Variants in VIT observed in about 807,000 individuals in gnomAD.
The protein encoded by VIT is vitrin.
Under a neutral mutation model 78.0 loss-of-function variants are expected in VIT, and 99 were observed. The ratio of observed to expected loss-of-function variants is 1.27; its 90% CI spans 1.08 to 1.50. The LOEUF (loss-of-function observed/expected upper bound fraction) is 1.50. VIT is among the 40% of genes most tolerant of loss of function. The pLI is 0.00. For missense variants in VIT, 1,126 were observed against 875.3 expected (o/e 1.29, Z -3.61); for synonymous variants, 374 against 334.3 (o/e 1.12, Z -1.29).
At chr2:36,779,774 T>C (rs960810971) in intron 9 of VIT, among the ~76,000 whole-genome samples, 4 of 152,226 alleles carry the variant, frequency 2.6e-5, no homozygotes, top group East Asian at 3.8e-4. Context: ...CAAGCAAGAA[T>C]TGTCACAAAA....
rs1179542743 is a variant in VIT at position 36,805,431 on chromosome 2, C to T, written c.1163-7C>T. 10 of 1,587,944 alleles carry T rather than the reference C, an allele frequency of 6.3e-6. No individual in the cohort carries two copies. The highest frequency in any genetic ancestry group is 1.4e-5 in the African/African-American group (1 of 73,512). On this transcript the variant is annotated splice_polypyrimidine_tract_variant and splice_region_variant and intron_variant, in intron 13 of 15. Transcript: ENST00000379242. ...CACTCCAAGCATGAATTTTCTTTTT[C>T]TTCCAGGTCGGGCCATCTCCTTTGT...
rs747673659 is a variant in VIT, at chr2:36,808,459, C to A, written c.1390-13C>A. ...CCCTGACGTGGCGTGGGTCCCTCCC[C>A]TCTGTCTTCTAGGCCGTGTGCAGAA... On this transcript the variant is annotated splice_polypyrimidine_tract_variant and intron_variant, in intron 14 of 15. Transcript: ENST00000379242. 32 of 1,589,794 alleles carry A rather than the reference C, an allele frequency of 2.0e-5. 1 individual carries two copies. The South Asian group carries it at 3.5e-4, about 17-fold the overall frequency.
At chr2:36,773,685 C>T in intron 7 of VIT, 106 bp from the exon 8 acceptor site, 8 of 1,006,758 alleles carry the variant, frequency 7.9e-6, no homozygotes, top group Non-Finnish European at 9.3e-6. Flanking sequence ...GATCGCACCA[C>T]TGCACTCCAG....
rs567911067 is a variant in VIT, at chr2:36,805,308, GAAAAAAAA to G, written c.1163-118_1163-111del. ...AACAGAGCAAGACCCTGTCTCAAAGGAAAAAAAAAAAAAAAAAAACTAGGGAGGGAATG... is the reference window on the plus strand; with the variant it reads ...AACAGAGCAAGACCCTGTCTCAAAGGAAAAAAAAAAACTAGGGAGGGAATG... On this transcript the variant is annotated intron_variant, in intron 13 of 15. Transcript: ENST00000379242. 7 of 585,724 alleles carry G rather than the reference GAAAAAAAA, an allele frequency of 1.2e-5. No individual in the cohort carries two copies. The Admixed American group carries it at 2.0e-4, about 16-fold the overall frequency. The allele number at this position is 585,724 out of a possible 1,614,324, so 36.3% of individuals were successfully genotyped here.
chr2:36,788,927 G>A (rs1301233566), intron 12 of VIT, among the ~76,000 whole-genome samples: 2 of 152,160 alleles, frequency 1.3e-5, no homozygotes, highest in Non-Finnish European at 2.9e-5. Flanking sequence ...TGCAGGGAAG[G>A]AAGAAGAATA....
chr2:36,741,331 T>C (rs946732532), intron 3 of VIT, among the ~76,000 whole-genome samples: 4 of 152,186 alleles, frequency 2.6e-5, no homozygotes. Context: ...AGGCAACCTT[T>C]GATGGGGAGA....
chr2:36,766,085 G>C (rs1572501306), intron 6 of VIT, among the ~76,000 whole-genome samples: 1 of 152,242 alleles, frequency 6.6e-6, no homozygotes, highest in African/African-American at 2.4e-5. Context: ...TGCCCAGTGG[G>C]TAGCCACTTG....
intron 2 of VIT, among the ~76,000 whole-genome samples, chr2:36,726,909 G>A (rs1295340857): frequency 1.3e-5 from 2 of 151,412 alleles, no homozygotes; most frequent in African/African-American, 4.9e-5. Flanking sequence ...GGAGAAGAAG[G>A]AGACTCATCA....
chr2:36,760,120 G>C (rs1031137731), intron 6 of VIT, among the ~76,000 whole-genome samples: 4 of 151,434 alleles, frequency 2.6e-5, no homozygotes, highest in Non-Finnish European at 5.9e-5. Flanking sequence ...TCAGCCTCCC[G>C]AGTAGCTGTG....
At position 36,814,337 on chromosome 2, in the gene VIT, G is replaced by C; in HGVS notation, c.2058G>C (p.Glu686Asp). 6.2e-7 allele frequency: 1 copy of C among 1,614,180 alleles called. No homozygotes were observed. The highest frequency in any genetic ancestry group is 8.5e-7 in the Non-Finnish European group (1 of 1,180,030). Reference protein sequence around the residue: ...VPRIIQNICTEFNSQPRN With the variant: ...VPRIIQNICTDFNSQPRN ...GGATCATCCAGAACATTTGTACAGA[G>C]TTCAACTCACAGCCTCGGAACTGAA... is the stretch of plus-strand genomic sequence containing the variant. Residue 686 changes from glutamate (E) to aspartate (D), a missense_variant, in exon 16 of 16, where the codon GAG (glutamate) becomes GAC (aspartate). Coordinates refer to ENST00000379242, the MANE Select transcript of VIT (RefSeq NM_053276.4).
intron 4 of VIT, among the ~76,000 whole-genome samples, chr2:36,751,476 G>T (rs1486622842): frequency 6.6e-6 from 1 of 152,174 alleles, no homozygotes; most frequent in Non-Finnish European, 1.5e-5. Context: ...CGGAGCCCAG[G>T]TGATATATTG....
intron 14 of VIT, 92 bp from the exon 15 acceptor site, chr2:36,808,380 G>A (rs1405464396): frequency 6.8e-7 from 1 of 1,466,116 alleles, no homozygotes; most frequent in African/African-American, 1.4e-5. Context: ...GGGCCTGCTT[G>A]CTTCTTCACC....
chr2:36,743,391 T>A, intron 4 of VIT, 135 bp downstream of exon 4: 1 of 1,022,614 alleles, frequency 9.8e-7, no homozygotes. Context: ...TTAATCTTCA[T>A]TTAAAAAGTG....
rs181168784 is a variant in VIT at position 36,803,607 on chromosome 2, T to C, written c.1163-1831T>C. On this transcript the variant is annotated intron_variant, in intron 13 of 15. Transcript: ENST00000379242. ...AGCAATTCTTAGCAGCCAAGGTTTT[T>C]CCTTAGCAAGTGGGTTCTGTGCAGC... Among the ~76,000 whole-genome samples the C allele has an allele frequency of 1.2e-4, 19 of 152,342 alleles. No homozygotes were observed. In the East Asian group the frequency reaches 3.3e-3, roughly 26 times the overall value.
At chr2:36,762,259 A>G (rs540990495) in intron 6 of VIT, among the ~76,000 whole-genome samples, 78 of 152,330 alleles carry the variant, frequency 5.1e-4, no homozygotes, top group South Asian at 2.5e-3. Flanking sequence ...AACTAGCAAG[A>G]GCCAAGCATT....
intron 2 of VIT, among the ~76,000 whole-genome samples, chr2:36,722,184 T>C (rs1306427918): frequency 6.6e-6 from 1 of 152,248 alleles, no homozygotes; most frequent in Non-Finnish European, 1.5e-5. Context: ...CAATGCATGA[T>C]AGAGCAGAGT....
intron 12 of VIT, among the ~76,000 whole-genome samples, chr2:36,794,808 C>T (rs1413974132): frequency 6.6e-6 from 1 of 152,118 alleles, no homozygotes; most frequent in Non-Finnish European, 1.5e-5. Context: ...AGGTTCTGTT[C>T]TTTAGGACCT....
rs538179203 is a variant in VIT, at chr2:36,773,734, AAATT to A, written c.680-42_680-39del. 8.8e-5 allele frequency: 122 copies of A among 1,378,832 alleles called. 1 individual carries two copies. The African/African-American group carries it at 1.4e-3, about 16-fold the overall frequency. The allele number at this position is 1,378,832 out of a possible 1,614,324, so 85.4% of individuals were successfully genotyped here. A position where few individuals can be genotyped will look rare whatever the true frequency, so the allele number is the denominator to read the frequency against. ...GTGAGACTCCGACTCAAAAATAAAT[AAATT>A]AATTAATTAATTAAATAAAATTCAT... is the stretch of plus-strand genomic sequence containing the variant. On this transcript the variant is annotated intron_variant, in intron 7 of 15. Coordinates refer to ENST00000379242, the MANE Select transcript of VIT (RefSeq NM_053276.4).
intron 5 of VIT, among the ~76,000 whole-genome samples, chr2:36,755,934 A>G (rs1210742838): frequency 6.9e-6 from 1 of 145,096 alleles, no homozygotes; most frequent in Non-Finnish European, 1.5e-5. Flanking sequence ...TGTTCACGGT[A>G]GTGCTTGAGG....
Sources: gnomAD v4.1 joint callset for allele counts (sites outside exome capture counted in the v4.1 genomes callset) on GRCh38, gnomAD v4.1.1 for gene constraint, MANE v1.5 for transcripts, NCBI Gene and HGNC (gene_info 2026-07-23, HGNC 2026-07-21) for gene names.